The following HS6ST3 variants were observed in gnomAD, a reference collection of about 807,000 sequenced individuals.
HS6ST3 encodes heparan-sulfate 6-O-sulfotransferase 3.
HS6ST3 carries 12 observed loss-of-function variants against 36.7 expected under a neutral mutation model. That is an observed-to-expected ratio of 0.33 (90% CI 0.21 to 0.53). The LOEUF (loss-of-function observed/expected upper bound fraction) is 0.53, where lower values mean the gene tolerates loss of function less well. Ranked by LOEUF, HS6ST3 falls within the 20% of genes least tolerant of loss-of-function variation. The probability of loss-of-function intolerance (pLI) is 0.95; values close to 1 mark genes in which losing one functional copy is unlikely to be tolerated. For missense variants in HS6ST3, 584 were observed against 640.9 expected (o/e 0.91, Z 0.96); for synonymous variants, 240 against 257.5 (o/e 0.93, Z 0.65).
chr13:96,469,320 A>G (rs1334913394), intron 1 of HS6ST3, among the ~76,000 whole-genome samples: 6 of 151,534 alleles, frequency 4.0e-5, no homozygotes, highest in Non-Finnish European at 7.4e-5. Flanking sequence ...TTTTTGATCA[A>G]TGCTGGGACA....
rs559602772 is a variant in HS6ST3, at chr13:96,688,173, C to G, written c.708-144317C>G. 6.2e-4 allele frequency among the ~76,000 whole-genome samples: 92 copies of G among 149,556 alleles called. 2 individuals are homozygous for G. The highest frequency in any genetic ancestry group is 2.2e-3 in the African/African-American group (88 of 40,124). On this transcript the variant is annotated intron_variant, in intron 1 of 1. Coordinates refer to ENST00000376705, the MANE Select transcript of HS6ST3 (RefSeq NM_153456.4). ...ACATGGCACATGTATACATATGTAA[C>G]AAACCTGGACATTGTGCACATGTAC...
intron 1 of HS6ST3, among the ~76,000 whole-genome samples, chr13:96,799,354 A>C (rs1042646686): frequency 1.8e-4 from 28 of 152,054 alleles, no homozygotes; most frequent in African/African-American, 6.3e-4. Context: ...CATTTCTCTG[A>C]TGGCCAGTGA....
intron 1 of HS6ST3, among the ~76,000 whole-genome samples, chr13:96,697,208 A>G (rs1373003961): frequency 2.0e-5 from 3 of 151,828 alleles, no homozygotes; most frequent in Non-Finnish European, 4.4e-5. Flanking sequence ...TATGTTATGT[A>G]TATTTGTATG....
chr13:96,301,549 T>C (rs1341283357), intron 1 of HS6ST3, among the ~76,000 whole-genome samples: 1 of 152,160 alleles, frequency 6.6e-6, no homozygotes, highest in African/African-American at 2.4e-5. Context: ...TCTCTGAGCC[T>C]CTGGATCTTC....
At chr13:96,759,238 C>G (rs2138498567) in intron 1 of HS6ST3, among the ~76,000 whole-genome samples, 1 of 151,782 alleles carries the variant, frequency 6.6e-6, no homozygotes, top group Non-Finnish European at 1.5e-5. Flanking sequence ...ACATTTTTAC[C>G]CAGTTGGAAA....
chr13:96,306,429 T>G (rs773089294), intron 1 of HS6ST3, among the ~76,000 whole-genome samples: 58 of 152,176 alleles, frequency 3.8e-4, no homozygotes, highest in Non-Finnish European at 1.0e-4. Flanking sequence ...CAGGCTGGTC[T>G]CTAACTCCTG....
chr13:96,508,944 G>C (rs1408538182), intron 1 of HS6ST3, among the ~76,000 whole-genome samples: 1 of 151,944 alleles, frequency 6.6e-6, no homozygotes, highest in African/African-American at 2.4e-5. Context: ...TTTCCATAGA[G>C]GTTGTACTAA....
chr13:96,486,967 G>C (rs2055918460), intron 1 of HS6ST3, among the ~76,000 whole-genome samples: 1 of 152,106 alleles, frequency 6.6e-6, no homozygotes, highest in Admixed American at 6.6e-5. Context: ...TGTATAAAGG[G>C]ATAGGCTGAC....
At chr13:96,745,850 A>T (rs1876548461) in intron 1 of HS6ST3, among the ~76,000 whole-genome samples, 1 of 151,954 alleles carries the variant, frequency 6.6e-6, no homozygotes, top group African/African-American at 2.4e-5. Context: ...TTCCTCTTGA[A>T]CCCGCTTCTA....
At chr13:96,472,819 GGT>G (rs1351612399) in intron 1 of HS6ST3, among the ~76,000 whole-genome samples, 1 of 152,068 alleles carries the variant, frequency 6.6e-6, no homozygotes, top group East Asian at 1.9e-4. Flanking sequence ...GGAAGAAAAG[GGT>G]GGTGATTGGT....
intron 1 of HS6ST3, among the ~76,000 whole-genome samples, chr13:96,351,283 T>C (rs2055182163): frequency 1.3e-5 from 2 of 150,762 alleles, no homozygotes; most frequent in African/African-American, 4.9e-5. Flanking sequence ...AAAAATGTTA[T>C]TTATTTCAAC....
At chr13:96,747,483 G>C (rs1433302313) in intron 1 of HS6ST3, among the ~76,000 whole-genome samples, 3 of 152,002 alleles carry the variant, frequency 2.0e-5, no homozygotes, top group African/African-American at 7.2e-5. Flanking sequence ...AGATTGTGTA[G>C]AAAACTTGAG....
intron 1 of HS6ST3, among the ~76,000 whole-genome samples, chr13:96,284,567 T>G (rs2054791282): frequency 6.6e-6 from 1 of 152,178 alleles, no homozygotes; most frequent in Admixed American, 6.5e-5. Context: ...CCCACTCAGA[T>G]TGAGGGTGGG....
intron 1 of HS6ST3, among the ~76,000 whole-genome samples, chr13:96,536,047 A>G (rs77849897): frequency 0.32 from 48,157 of 152,120 alleles, 9,611 homozygotes; most frequent in Non-Finnish European, 0.45. Flanking sequence ...ATAGTCAATA[A>G]TCAAGCACAT....
intron 1 of HS6ST3, among the ~76,000 whole-genome samples, chr13:96,666,315 C>T (rs1029499742): frequency 2.0e-5 from 3 of 152,112 alleles, no homozygotes; most frequent in East Asian, 1.9e-4. Flanking sequence ...ATAGGGACTA[C>T]AATTCAAGGC....
At chr13:96,739,526 T>C (rs1230282244) in intron 1 of HS6ST3, among the ~76,000 whole-genome samples, 1 of 152,100 alleles carries the variant, frequency 6.6e-6, no homozygotes, top group African/African-American at 2.4e-5. Flanking sequence ...CCACTTCTTT[T>C]AGTTGTTCTG....
intron 1 of HS6ST3, among the ~76,000 whole-genome samples, chr13:96,452,822 C>T (rs539266489): frequency 1.3e-5 from 2 of 152,172 alleles, no homozygotes; most frequent in South Asian, 4.1e-4. Flanking sequence ...ATTTCCCCCC[C>T]AGGGTGGGTT....
intron 1 of HS6ST3, among the ~76,000 whole-genome samples, chr13:96,712,936 G>T (rs909073927): frequency 4.6e-5 from 7 of 152,152 alleles, no homozygotes; most frequent in African/African-American, 1.7e-4. Flanking sequence ...AAATGGTAAA[G>T]CTTCAAAGCT....
chr13:96,725,588 T>G (rs1465439291), intron 1 of HS6ST3, among the ~76,000 whole-genome samples: 2 of 152,150 alleles, frequency 1.3e-5, no homozygotes, highest in Non-Finnish European at 2.9e-5. Flanking sequence ...TACTTATTTA[T>G]GTAGTATTTA....
Sources: gnomAD v4.1 joint callset for allele counts (sites outside exome capture counted in the v4.1 genomes callset) on GRCh38, gnomAD v4.1.1 for gene constraint, MANE v1.5 for transcripts, NCBI Gene and HGNC (gene_info 2026-07-23, HGNC 2026-07-21) for gene names.